Variants in EYA3 observed in about 807,000 individuals in gnomAD.
The protein encoded by EYA3 is protein phosphatase EYA3.
Under a neutral mutation model 80.0 loss-of-function variants are expected in EYA3, and 39 were observed. The ratio of observed to expected loss-of-function variants is 0.49; its 90% CI spans 0.38 to 0.64. EYA3 has a LOEUF of 0.64. EYA3 is among the 30% of genes least tolerant of loss of function. The pLI is 0.00. For missense variants in EYA3, 523 were observed against 676.1 expected, an observed-to-expected ratio of 0.77 and a Z score of 2.51; for synonymous variants, 206 against 232.8, an observed-to-expected ratio of 0.88 and a Z score of 1.05.
intron 16 of EYA3, among the ~76,000 whole-genome samples, chr1:27,982,716 G>A (rs1639392587): frequency 1.3e-5 from 2 of 151,958 alleles, no homozygotes; most frequent in African/African-American, 4.8e-5. Flanking sequence ...CCCCCGAGGA[G>A]CTGGGATTAC....
At chr1:28,035,496 G>T in intron 6 of EYA3, 48 bp downstream of exon 6, 1 of 1,594,394 alleles carries the variant, frequency 6.3e-7, no homozygotes, top group Non-Finnish European at 8.5e-7. Flanking sequence ...AAGTTTCTGC[G>T]GAATAAAATC....
intron 1 of EYA3, among the ~76,000 whole-genome samples, chr1:28,069,698 T>C (rs1175888668): frequency 1.3e-5 from 2 of 151,938 alleles, no homozygotes; most frequent in African/African-American, 4.8e-5. Context: ...CAAACACATA[T>C]ACACACAGTT....
rs1043015039 is a variant in EYA3, at chr1:27,972,215, G to C, written c.*2251C>G. On this transcript the variant is annotated 3_prime_UTR_variant, in exon 18 of 18. Coordinates refer to ENST00000373871, the MANE Select transcript of EYA3 (RefSeq NM_001990.4). ...AAAAACCCAACAGCTATACTGCATA[G>C]GGGGAGGGTTTGAGGCCTCAGAGTA... 9 of 152,174 alleles carry C rather than the reference G, an allele frequency of 5.9e-5. No homozygotes were observed. The highest frequency in any genetic ancestry group is 1.9e-4 in the African/African-American group (8 of 41,430). 9.4% of individuals were successfully genotyped at this position (152,174 alleles called of 1,614,324 possible).
chr1:28,003,282 C>T (rs940702147), intron 11 of EYA3, among the ~76,000 whole-genome samples: 1 of 148,608 alleles, frequency 6.7e-6, no homozygotes, highest in Non-Finnish European at 1.5e-5. Flanking sequence ...ACAACAACAA[C>T]AACAACAACA....
At chr1:28,028,737 A>G (rs188313017) in intron 6 of EYA3, among the ~76,000 whole-genome samples, 44 of 151,956 alleles carry the variant, frequency 2.9e-4, no homozygotes, top group African/African-American at 1.1e-3. Context: ...CTATGTATTC[A>G]CTAATCTTCT....
Position 28,017,213 on chromosome 1 carries a change from A to G in EYA3, c.526T>C (p.Ser176Pro), listed in dbSNP as rs750864945. Residue 176 changes from serine to proline, a missense_variant, in exon 8 of 18, where the codon TCT becomes CCT. By Grantham distance (74) the Ser-to-Pro change is moderately conservative (BLOSUM62 -1). Around this residue, in one of 2 missense-constraint regions of EYA3, gnomAD observed 304 missense variants for 343.3 expected, o/e 0.89. Transcript: ENST00000373871. ...QASSTNASLI[S>P]TSSTIANIPA... ...ATATTGGCAATTGTAGAAGAAGTAG[A>G]TATCAGGCTGGCATTTGTGCTTGAA... 136 of 1,613,930 alleles carry G rather than the reference A, an allele frequency of 8.4e-5. 1 individual carries two copies. Among genetic ancestry groups the G allele is most frequent in the Middle Eastern group, 1.7e-4 (1 of 6,058 alleles).
chr1:28,000,124 A>G, intron 11 of EYA3, 75 bp from the exon 12 acceptor site: 1 of 1,121,516 alleles, frequency 8.9e-7, no homozygotes. Flanking sequence ...TTTCAAAATT[A>G]TTTTAGGTCA....
At chr1:27,988,470 A>G in intron 16 of EYA3, 65 bp downstream of exon 16, 1 of 1,564,430 alleles carries the variant, frequency 6.4e-7, no homozygotes, top group Non-Finnish European at 8.7e-7. Flanking sequence ...AGAAAATAAT[A>G]GGTGCATCAT....
intron 10 of EYA3, 90 bp downstream of exon 10, chr1:28,010,857 C>T (rs1293620532): frequency 2.7e-6 from 4 of 1,477,052 alleles, no homozygotes; most frequent in South Asian, 1.3e-5. Context: ...ACATAGTGCA[C>T]ATTATCTCTG....
intron 1 of EYA3, among the ~76,000 whole-genome samples, chr1:28,081,352 T>C (rs1207918796): frequency 6.6e-6 from 1 of 152,186 alleles, no homozygotes; most frequent in Non-Finnish European, 1.5e-5. Flanking sequence ...CTTCCTAACC[T>C]ATAGCAGAAG....
intron 4 of EYA3, among the ~76,000 whole-genome samples, chr1:28,042,272 A>G (rs1225832213): frequency 6.6e-6 from 1 of 152,230 alleles, no homozygotes; most frequent in African/African-American, 2.4e-5. Flanking sequence ...ATGGTTAAGT[A>G]TAGTTGTCTC....
At chr1:28,076,104 A>G (rs1645190891) in intron 1 of EYA3, among the ~76,000 whole-genome samples, 1 of 152,220 alleles carries the variant, frequency 6.6e-6, no homozygotes, top group Non-Finnish European at 1.5e-5. Context: ...TGTAACCAGA[A>G]AAACTGCAAC....
At chr1:28,058,180 T>C (rs183104207) in intron 1 of EYA3, 86 bp from the exon 2 acceptor site, 18 of 505,138 alleles carry the variant, frequency 3.6e-5, no homozygotes, top group African/African-American at 2.7e-4. Context: ...TTTAGTATCT[T>C]GCTACCCCAA....
chr1:28,057,402 C>T (rs958147466), intron 2 of EYA3, among the ~76,000 whole-genome samples: 1 of 151,880 alleles, frequency 6.6e-6, no homozygotes, highest in African/African-American at 2.4e-5. Context: ...AGGAAAAGAC[C>T]CTCTAGCATA....
chr1:27,994,863 C>T (rs185799629), intron 13 of EYA3, among the ~76,000 whole-genome samples: 134 of 151,002 alleles, frequency 8.9e-4, no homozygotes, highest in Non-Finnish European at 9.3e-4. Flanking sequence ...TAGCTACTTA[C>T]GAGGCTGAAG....
chr1:27,989,418 C>CAAGAGATTATGGGTCCAACAAGAGA (rs1291459141), intron 15 of EYA3, among the ~76,000 whole-genome samples: 4 of 152,178 alleles, frequency 2.6e-5, no homozygotes, highest in African/African-American at 9.7e-5. Context: ...CCAGGTCCAA[C>CAAGAGATTATGGGTCCAACAAGAGA]TTATGGACAA....
chr1:28,036,245 A>C (rs1020308052), intron 5 of EYA3, among the ~76,000 whole-genome samples: 1 of 152,236 alleles, frequency 6.6e-6, no homozygotes, highest in Non-Finnish European at 1.5e-5. Flanking sequence ...ATTATCCTAC[A>C]AACATTTCTA....
chr1:27,978,110 TGATGG>T (rs1639061128), intron 17 of EYA3, among the ~76,000 whole-genome samples: 2 of 152,200 alleles, frequency 1.3e-5, no homozygotes, highest in South Asian at 4.1e-4. Context: ...TCAGGTTTAA[TGATGG>T]GATCCCTGTA....
chr1:28,028,580 TTC>T (rs1491380609), intron 6 of EYA3, among the ~76,000 whole-genome samples: 5 of 139,034 alleles, frequency 3.6e-5, no homozygotes, highest in East Asian at 2.1e-4. Flanking sequence ...TTTCTTCTTC[TTC>T]TTTTTTTTTT....
Sources: gnomAD v4.1 joint callset for allele counts (sites outside exome capture counted in the v4.1 genomes callset) on GRCh38, gnomAD v4.1.1 for gene constraint, gnomAD v4.1.1 regional missense constraint, MANE v1.5 for transcripts, NCBI Gene and HGNC (gene_info 2026-07-23, HGNC 2026-07-21) for gene names.